ERC2: variants seen among roughly 807,000 people sequenced by gnomAD.
ERC2 encodes the protein ERC protein 2.
In ERC2, 42 loss-of-function variants were observed where a neutral mutation model predicts 114.8. That is an observed-to-expected ratio of 0.37 (90% CI 0.29 to 0.47). The LOEUF is 0.47. Ranked by LOEUF, ERC2 falls within the 20% of genes least tolerant of loss-of-function variation. The probability of loss-of-function intolerance (pLI) is 0.99; values close to 1 mark genes in which losing one functional copy is unlikely to be tolerated. For missense variants in ERC2, 939 were observed against 1,150.7 expected (o/e 0.82, Z 2.66); for synonymous variants, 454 against 425.5 (o/e 1.07, Z -0.82).
At chr3:55,905,374 C>T (rs559406720) in intron 13 of ERC2, among the ~76,000 whole-genome samples, 1 of 152,156 alleles carries the variant, frequency 6.6e-6, no homozygotes, top group Admixed American at 6.5e-5. Flanking sequence ...AGCCACCACG[C>T]ACATTCTTCT....
chr3:56,029,026 G>A (rs1042816504), intron 7 of ERC2, among the ~76,000 whole-genome samples: 1 of 152,030 alleles, frequency 6.6e-6, no homozygotes, highest in Middle Eastern at 3.2e-3. Flanking sequence ...GTATTGAATT[G>A]TGTAAAGTGC....
At chr3:56,379,651 AAAG>A (rs1290982220) in intron 2 of ERC2, among the ~76,000 whole-genome samples, 1 of 152,182 alleles carries the variant, frequency 6.6e-6, no homozygotes, top group Non-Finnish European at 1.5e-5. Context: ...AGAGGGAGTA[AAAG>A]AAGGATATGA....
At chr3:56,177,022 A>G (rs1377066946) in intron 3 of ERC2, among the ~76,000 whole-genome samples, 4 of 152,208 alleles carry the variant, frequency 2.6e-5, no homozygotes, top group Non-Finnish European at 5.9e-5. Flanking sequence ...TGTAGCCTCA[A>G]GATAGAAAAA....
chr3:56,443,114 AT>A (rs2062393912), intron 1 of ERC2, among the ~76,000 whole-genome samples: 1 of 152,216 alleles, frequency 6.6e-6, no homozygotes, highest in African/African-American at 2.4e-5. Flanking sequence ...TTCTGTATTT[AT>A]TTTTCACACC....
chr3:56,333,624 C>G (rs933667652), intron 2 of ERC2, among the ~76,000 whole-genome samples: 1 of 152,132 alleles, frequency 6.6e-6, no homozygotes, highest in Non-Finnish European at 1.5e-5. Flanking sequence ...AGTAGCAAAC[C>G]AAGATGCTAC....
At chr3:55,779,363 G>C (rs2149046683) in intron 14 of ERC2, among the ~76,000 whole-genome samples, 1 of 149,626 alleles carries the variant, frequency 6.7e-6, no homozygotes, top group East Asian at 2.0e-4. Flanking sequence ...TTAGCTGGGT[G>C]TAGTGGCGGT....
At chr3:56,055,639 C>T (rs1180494197) in intron 7 of ERC2, among the ~76,000 whole-genome samples, 1 of 152,198 alleles carries the variant, frequency 6.6e-6, no homozygotes, top group Non-Finnish European at 1.5e-5. Flanking sequence ...GCGAGACAGA[C>T]AAACTGCAGA....
intron 17 of ERC2, among the ~76,000 whole-genome samples, chr3:55,609,190 G>A (rs2058774318): frequency 6.6e-6 from 1 of 152,204 alleles, no homozygotes; most frequent in Non-Finnish European, 1.5e-5. Flanking sequence ...CGAGTGGTGT[G>A]TGGGTGCCTC....
chr3:55,778,467 TTGGCA>T, intron 14 of ERC2, among the ~76,000 whole-genome samples: 1 of 152,328 alleles, frequency 6.6e-6, no homozygotes, highest in Admixed American at 6.5e-5. Context: ...TTTCAAACTC[TTGGCA>T]TGGGGAGGTC....
rs530878562 is a variant in ERC2, at chr3:55,670,122, C to T, written c.*39+13672G>A. 7.2e-5 allele frequency among the ~76,000 whole-genome samples: 11 copies of T among 152,302 alleles called. No homozygotes were observed. The South Asian group carries it at 1.2e-3, about 17-fold the overall frequency. ...CATGAGGGAGGAAAATGTAAGAAATCGCTTTCCCCATTTTCCAGATGAGGA... is the reference window on the plus strand; with the variant it reads ...CATGAGGGAGGAAAATGTAAGAAATTGCTTTCCCCATTTTCCAGATGAGGA... On this transcript the variant is annotated intron_variant, in intron 17 of 17. Coordinates refer to ENST00000288221, the MANE Select transcript of ERC2 (RefSeq NM_015576.3).
chr3:56,371,755 T>G (rs1233945460), intron 2 of ERC2, among the ~76,000 whole-genome samples: 1 of 152,234 alleles, frequency 6.6e-6, no homozygotes, highest in Admixed American at 6.5e-5. Flanking sequence ...ATCCCACCAC[T>G]GTACCCAGGC....
chr3:55,563,127 G>A (rs2056136921), intron 17 of ERC2, among the ~76,000 whole-genome samples: 1 of 152,160 alleles, frequency 6.6e-6, no homozygotes, highest in Admixed American at 6.5e-5. Flanking sequence ...ATACCAGAGA[G>A]ACTGTACACA....
At chr3:56,287,712 A>G (rs537931471) in intron 3 of ERC2, among the ~76,000 whole-genome samples, 1 of 152,350 alleles carries the variant, frequency 6.6e-6, no homozygotes, top group South Asian at 2.1e-4. Flanking sequence ...GGCAGCATCA[A>G]GAAGTGGTTA....
intron 17 of ERC2, among the ~76,000 whole-genome samples, chr3:55,680,116 A>G (rs2061989199): frequency 6.6e-6 from 1 of 152,208 alleles, no homozygotes; most frequent in South Asian, 2.1e-4. Flanking sequence ...GGTGGCAGAC[A>G]GCTACAATTC....
chr3:56,168,672 G>A (rs1184017413), intron 4 of ERC2, among the ~76,000 whole-genome samples: 1 of 152,138 alleles, frequency 6.6e-6, no homozygotes, highest in African/African-American at 2.4e-5. Context: ...CAGTGTTCCA[G>A]TACATCCCTT....
intron 13 of ERC2, among the ~76,000 whole-genome samples, chr3:55,900,910 TG>T (rs1012253292): frequency 3.3e-5 from 5 of 152,220 alleles, no homozygotes; most frequent in African/African-American, 4.8e-5. Flanking sequence ...ATTTAAATGA[TG>T]GATAACTTAA....
At chr3:56,385,026 T>C (rs531269167) in intron 2 of ERC2, among the ~76,000 whole-genome samples, 1 of 152,260 alleles carries the variant, frequency 6.6e-6, no homozygotes, top group Non-Finnish European at 1.5e-5. Context: ...CCTTGTTTCT[T>C]TGAGTAAGTC....
intron 14 of ERC2, among the ~76,000 whole-genome samples, chr3:55,743,019 G>A (rs2066065294): frequency 6.6e-6 from 1 of 152,198 alleles, no homozygotes. Context: ...GATTCGTAAA[G>A]GCCAGGCTTT....
At chr3:55,677,459 C>T (rs932159820) in intron 17 of ERC2, among the ~76,000 whole-genome samples, 1 of 152,118 alleles carries the variant, frequency 6.6e-6, no homozygotes, top group Non-Finnish European at 1.5e-5. Context: ...TTTATGGATA[C>T]AGTACACTTT....
Sources: allele counts gnomAD v4.1 joint callset (sites outside exome capture counted in the v4.1 genomes callset), GRCh38; gene constraint gnomAD v4.1.1; transcripts MANE v1.5; gene names NCBI Gene and HGNC (gene_info 2026-07-23, HGNC 2026-07-21).